The following MINDY3 variants were observed in gnomAD, a reference collection of about 807,000 sequenced individuals.
MINDY3 encodes MINDY lysine 48 deubiquitinase 3, also known as ubiquitin carboxyl-terminal hydrolase MINDY-3.
MINDY3 carries 38 observed loss-of-function variants against 69.2 expected under a neutral mutation model. That is an observed-to-expected ratio of 0.55 (90% CI 0.42 to 0.72). The LOEUF is 0.72. MINDY3 is among the 30% of genes least tolerant of loss of function. The probability of loss-of-function intolerance (pLI) is 0.00; values close to 1 mark genes in which losing one functional copy is unlikely to be tolerated. For missense variants in MINDY3, 522 were observed against 519.0 expected (o/e 1.01, Z -0.06); for synonymous variants, 192 against 180.1 (o/e 1.07, Z -0.53).
chr10:15,841,230 C>CA (rs766457670), intron 4 of MINDY3, among the ~76,000 whole-genome samples, 196 bp downstream of exon 4: 18 of 148,612 alleles, frequency 1.2e-4, no homozygotes, highest in Non-Finnish European at 3.0e-5. Flanking sequence ...TTTTTTTTTG[C>CA]AAAAATGTAG....
At chr10:15,837,443 T>C in intron 5 of MINDY3, 125 bp from the exon 6 acceptor site, 1 of 1,263,170 alleles carries the variant, frequency 7.9e-7, no homozygotes, top group South Asian at 1.4e-5. Flanking sequence ...TTTTGGGACG[T>C]TTCTAAATTT....
intron 10 of MINDY3, among the ~76,000 whole-genome samples, chr10:15,811,918 A>T (rs548276459): frequency 1.3e-5 from 2 of 151,844 alleles, no homozygotes; most frequent in South Asian, 4.1e-4. Context: ...ATAATGCTTA[A>T]TTTTTCATTT....
chr10:15,781,549 A>G (rs1180541537), intron 14 of MINDY3, among the ~76,000 whole-genome samples: 1 of 152,058 alleles, frequency 6.6e-6, no homozygotes, highest in Non-Finnish European at 1.5e-5. Context: ...TGAATCACCT[A>G]TGTGCTTTGT....
At position 15,778,929 on chromosome 10, in the gene MINDY3, C is replaced by T; in HGVS notation, c.*63G>A. 1 of 1,463,040 alleles carries T rather than the reference C, an allele frequency of 6.8e-7. No individual in the cohort carries two copies. Among genetic ancestry groups the T allele is most frequent in the Admixed American group, 1.9e-5 (1 of 52,964 alleles). 90.6% of individuals were successfully genotyped at this position (1,463,040 alleles called of 1,614,324 possible). ...GTGTTTAGCTTAATCCAGCCAATTG[C>T]CAGTCTTGACTCCTTCTTTCAACAT... On this transcript the variant is annotated 3_prime_UTR_variant, in exon 15 of 15. Coordinates refer to ENST00000277632, the MANE Select transcript of MINDY3 (RefSeq NM_024948.4).
intron 9 of MINDY3, among the ~76,000 whole-genome samples, chr10:15,820,641 A>C (rs933913257): frequency 1.3e-5 from 2 of 152,256 alleles, no homozygotes; most frequent in Non-Finnish European, 2.9e-5. Flanking sequence ...TCACTACTAA[A>C]GGAGTAAGGG....
chr10:15,828,061 G>A (rs1024716097), intron 8 of MINDY3, among the ~76,000 whole-genome samples: 6 of 152,108 alleles, frequency 3.9e-5, no homozygotes, highest in South Asian at 2.1e-4. Flanking sequence ...ATGAGTTACC[G>A]TATGACCCAG....
chr10:15,847,791 G>T, intron 2 of MINDY3, 73 bp downstream of exon 2: 1 of 1,032,196 alleles, frequency 9.7e-7, no homozygotes, highest in Non-Finnish European at 1.5e-6. Flanking sequence ...ATGGAGTACA[G>T]ACATTAGAAA....
intron 10 of MINDY3, among the ~76,000 whole-genome samples, chr10:15,810,053 G>A (rs1838894107): frequency 6.6e-6 from 1 of 151,984 alleles, no homozygotes; most frequent in East Asian, 1.9e-4. Flanking sequence ...ACTGACTTGT[G>A]AAAAATCTCT....
Position 15,860,278 on chromosome 10 carries a change from G to A in MINDY3, c.22C>T (p.Leu8=), listed in dbSNP as rs776033737. 6.2e-6 allele frequency: 10 copies of A among 1,608,392 alleles called. No homozygotes were observed. Among genetic ancestry groups the A allele is most frequent in the Non-Finnish European group, 8.5e-6 (10 of 1,177,466 alleles). Reference sequence around the variant, plus strand: ...TTGGTGCCCCACACCAGCTCCATCAGCTCTTTAGTCAGTTCGGACATGATG... The same window carrying A: ...TTGGTGCCCCACACCAGCTCCATCAACTCTTTAGTCAGTTCGGACATGATG... MSELTKE[L]MELVWGTKSS... is the part of the protein sequence containing the mutation. The change falls in exon 1 of 15, where the codon CTG becomes TTG. Residue 8 remains leucine, a synonymous_variant. Transcript: ENST00000277632.
At chr10:15,839,423 A>C (rs892765118) in intron 4 of MINDY3, among the ~76,000 whole-genome samples, 1 of 151,710 alleles carries the variant, frequency 6.6e-6, no homozygotes, top group Non-Finnish European at 1.5e-5. Context: ...GTTTGTAGAG[A>C]AAGTAATATT....
chr10:15,847,606 C>T (rs574128248), intron 2 of MINDY3, among the ~76,000 whole-genome samples: 67 of 152,068 alleles, frequency 4.4e-4, no homozygotes, highest in African/African-American at 1.6e-3. Flanking sequence ...CAAGAAACTT[C>T]CTAATTTTCT....
At chr10:15,838,321 A>G in intron 4 of MINDY3, 42 bp from the exon 5 acceptor site, 2 of 1,534,654 alleles carry the variant, frequency 1.3e-6, no homozygotes, top group East Asian at 2.4e-5. Context: ...CATGGCAAAT[A>G]AATGACACAA....
intron 11 of MINDY3, among the ~76,000 whole-genome samples, chr10:15,792,619 A>G (rs1344334212): frequency 6.6e-6 from 1 of 152,088 alleles, no homozygotes; most frequent in Non-Finnish European, 1.5e-5. Flanking sequence ...ACAATAGTCC[A>G]ATTATTCTTA....
chr10:15,788,965 G>A (rs534450203), intron 12 of MINDY3: 1 of 255,532 alleles, frequency 3.9e-6, no homozygotes, highest in Non-Finnish European at 7.6e-6. Flanking sequence ...AAGACGTGGG[G>A]AAGTGTTTGC....
intron 8 of MINDY3, among the ~76,000 whole-genome samples, chr10:15,832,794 T>C (rs1380628297): frequency 6.6e-6 from 1 of 152,186 alleles, no homozygotes; most frequent in African/African-American, 2.4e-5. Flanking sequence ...TTTCTGTTAA[T>C]TAACTACACA....
At chr10:15,805,171 C>A (rs369522904) in intron 10 of MINDY3, among the ~76,000 whole-genome samples, 4 of 151,924 alleles carry the variant, frequency 2.6e-5, no homozygotes, top group Non-Finnish European at 4.4e-5. Flanking sequence ...TTTAACAAAT[C>A]CGTCAAGCTT....
intron 10 of MINDY3, among the ~76,000 whole-genome samples, chr10:15,804,821 CAG>C (rs2131925263): frequency 6.6e-6 from 1 of 152,220 alleles, no homozygotes; most frequent in South Asian, 2.1e-4. Flanking sequence ...TAACAGAATT[CAG>C]TTAATCCCAA....
intron 1 of MINDY3, among the ~76,000 whole-genome samples, chr10:15,853,057 G>A (rs950685281): frequency 6.6e-6 from 1 of 152,080 alleles, no homozygotes; most frequent in African/African-American, 2.4e-5. Flanking sequence ...TATCTGCAGG[G>A]GGATCCTTGA....
At chr10:15,834,053 T>C (rs1832916589) in intron 7 of MINDY3, among the ~76,000 whole-genome samples, 1 of 152,112 alleles carries the variant, frequency 6.6e-6, no homozygotes, top group South Asian at 2.1e-4. Flanking sequence ...TGATGAAAGA[T>C]ACATGAACTT....
Sources: gnomAD v4.1 joint callset for allele counts (sites outside exome capture counted in the v4.1 genomes callset) on GRCh38, gnomAD v4.1.1 for gene constraint, MANE v1.5 for transcripts, NCBI Gene and HGNC (gene_info 2026-07-23, HGNC 2026-07-21) for gene names.